NAA60: variants seen among roughly 807,000 people sequenced by gnomAD.
NAA60 encodes the protein N-alpha-acetyltransferase 60.
A neutral mutation model predicts 26.1 loss-of-function variants in NAA60; 8 were observed. The observed-to-expected ratio is 0.31, with a 90% confidence interval of 0.18 to 0.55. The LOEUF is 0.55. Among genes scored for constraint, NAA60 ranks in the 20% least tolerant of loss-of-function variants. The pLI is 0.93. For missense variants in NAA60, 290 were observed against 311.3 expected (o/e 0.93, Z 0.51); for synonymous variants, 131 against 122.5 (o/e 1.07, Z -0.46).
intron 2 of NAA60, among the ~76,000 whole-genome samples, chr16:3,449,726 T>C (rs1360340505): frequency 2.6e-5 from 4 of 152,086 alleles, no homozygotes; most frequent in Non-Finnish European, 5.9e-5. Context: ...CATCTGCAAT[T>C]CCCATATATT....
chr16:3,469,316 T>C (rs1043234304), intron 2 of NAA60, among the ~76,000 whole-genome samples: 2 of 126,672 alleles, frequency 1.6e-5, no homozygotes, highest in Non-Finnish European at 3.3e-5. Context: ...GACTTTGCCT[T>C]GCTGCTCCTC....
chr16:3,450,699 CAAAAAAAAAAAAA>C (rs539095336), intron 2 of NAA60, among the ~76,000 whole-genome samples: 8 of 73,646 alleles, frequency 1.1e-4, no homozygotes, highest in African/African-American at 2.7e-4. Context: ...GACTCCGTCT[CAAAAAAAAAAAAA>C]AAAAAAAAAA....
chr16:3,474,186 G>C (rs2036328379), intron 2 of NAA60, among the ~76,000 whole-genome samples: 1 of 152,214 alleles, frequency 6.6e-6, no homozygotes. Flanking sequence ...CGTTGAACCA[G>C]GAGCTGAGAA....
At chr16:3,484,568 C>T (rs1395176609) in intron 6 of NAA60, 131 bp from the exon 7 acceptor site, 42 of 1,189,288 alleles carry the variant, frequency 3.5e-5, no homozygotes, top group Non-Finnish European at 4.3e-5. Flanking sequence ...AGAGGCTTAG[C>T]GGGCTCTCAG....
At chr16:3,468,902 G>A (rs1021723555) in intron 2 of NAA60, among the ~76,000 whole-genome samples, 4 of 152,102 alleles carry the variant, frequency 2.6e-5, no homozygotes, top group African/African-American at 9.7e-5. Flanking sequence ...GGCCTGACAA[G>A]GCCAACAACC....
chr16:3,461,588 A>G (rs146848106), intron 2 of NAA60, among the ~76,000 whole-genome samples: 143 of 152,242 alleles, frequency 9.4e-4, no homozygotes, highest in African/African-American at 3.3e-3. Flanking sequence ...ATTATTATCC[A>G]TTTTGCCCCA....
chr16:3,475,272 T>A (rs1285358988), intron 2 of NAA60, among the ~76,000 whole-genome samples: 1 of 152,088 alleles, frequency 6.6e-6, no homozygotes, highest in Non-Finnish European at 1.5e-5. Flanking sequence ...GTATTTTTTG[T>A]AGAGACAGGG....
chr16:3,471,850 G>C (rs1485964667), intron 2 of NAA60, among the ~76,000 whole-genome samples: 1 of 152,206 alleles, frequency 6.6e-6, no homozygotes, highest in East Asian at 1.9e-4. Flanking sequence ...CTGTAGCAAG[G>C]AGGAGGCCGT....
At chr16:3,448,607 T>G in intron 2 of NAA60, 67 bp downstream of exon 2, 1 of 1,344,988 alleles carries the variant, frequency 7.4e-7, no homozygotes, top group Non-Finnish European at 1.0e-6. Context: ...CCTACTTAAG[T>G]GAAATCCATT....
intron 1 of NAA60, 104 bp downstream of exon 1, chr16:3,443,941 C>T (rs568625526): frequency 7.1e-7 from 1 of 1,417,286 alleles, no homozygotes. Flanking sequence ...TTGAGCTGTC[C>T]TTTGTGTCTT....
At chr16:3,465,886 A>G (rs1036226036) in intron 2 of NAA60, among the ~76,000 whole-genome samples, 3 of 152,188 alleles carry the variant, frequency 2.0e-5, no homozygotes, top group Non-Finnish European at 2.9e-5. Flanking sequence ...TGAATTTTCA[A>G]TGCAATTGCG....
intron 2 of NAA60, among the ~76,000 whole-genome samples, chr16:3,457,080 C>T (rs916442500): frequency 6.6e-6 from 1 of 152,182 alleles, no homozygotes. Context: ...GCGTGAGCCA[C>T]CACACCCAGC....
intron 2 of NAA60, chr16:3,458,084 C>A (rs1050609744): frequency 2.0e-6 from 2 of 985,338 alleles, no homozygotes; most frequent in Non-Finnish European, 2.4e-6. Context: ...TTACATAACT[C>A]GTTGCGGGCT....
rs2037130880 is a variant in NAA60, at chr16:3,486,049, T to G, written c.*789T>G. ...GAGACTCCTTGGGTCCTCCCCGCCC[T>G]CCCTCATGCTGCCACAAGCTGCTGC... On this transcript the variant is annotated 3_prime_UTR_variant, in exon 8 of 8. Coordinates refer to ENST00000407558, the MANE Select transcript of NAA60 (RefSeq NM_001083601.3). 2 of 219,774 alleles carry G rather than the reference T, an allele frequency of 9.1e-6. No homozygotes were observed. The highest frequency in any genetic ancestry group is 5.7e-5 in the South Asian group (1 of 17,520). The allele number at this position is 219,774 out of a possible 1,614,324, so 13.6% of individuals were successfully genotyped here.
At chr16:3,466,669 A>C (rs1240656715) in intron 2 of NAA60, among the ~76,000 whole-genome samples, 2 of 152,124 alleles carry the variant, frequency 1.3e-5, no homozygotes, top group Non-Finnish European at 2.9e-5. Flanking sequence ...AGCACATGCT[A>C]ATCTCCCTTG....
At position 3,482,443 on chromosome 16, in the gene NAA60, G is replaced by C. The variant is rs542378530; in HGVS notation, c.241-59G>C. On this transcript the variant is annotated intron_variant, in intron 4 of 7. Coordinates refer to ENST00000407558, the MANE Select transcript of NAA60 (RefSeq NM_001083601.3). ...GTGCGGAGCCCGCCTGGGCCGGGCT[G>C]TGCAGTGAGCCGTGCACCAGACGTG... 13 of 1,385,316 alleles carry C rather than the reference G, an allele frequency of 9.4e-6. No individual in the cohort carries two copies. In the East Asian group the frequency reaches 3.2e-4, roughly 34 times the overall value. The allele number at this position is 1,385,316 out of a possible 1,614,324, so 85.8% of individuals were successfully genotyped here. A position where few individuals can be genotyped will look rare whatever the true frequency, so the allele number is the denominator to read the frequency against.
intron 1 of NAA60, among the ~76,000 whole-genome samples, chr16:3,444,509 A>G (rs1407359882): frequency 1.3e-5 from 2 of 152,204 alleles, no homozygotes; most frequent in Non-Finnish European, 2.9e-5. Context: ...GTCTCAACAT[A>G]TTTCCTTATT....
intron 2 of NAA60, chr16:3,448,820 T>C: frequency 3.3e-6 from 1 of 298,692 alleles, no homozygotes; most frequent in Non-Finnish European, 6.4e-6. Flanking sequence ...CATCAGTCTC[T>C]TGTGAGTCTG....
intron 4 of NAA60, among the ~76,000 whole-genome samples, chr16:3,481,447 C>T (rs1156884404): frequency 1.3e-5 from 2 of 152,042 alleles, no homozygotes; most frequent in African/African-American, 4.8e-5. Context: ...TTCCCCTGAA[C>T]CCCATCCCCC....
Sources: gnomAD v4.1 joint callset for allele counts (sites outside exome capture counted in the v4.1 genomes callset) on GRCh38, gnomAD v4.1.1 for gene constraint, MANE v1.5 for transcripts, NCBI Gene and HGNC (gene_info 2026-07-23, HGNC 2026-07-21) for gene names.